PCDHGA1: variants seen among roughly 807,000 people sequenced by gnomAD.
PCDHGA1 encodes protocadherin gamma subfamily A, 1.
In PCDHGA1, 32 loss-of-function variants were observed where a neutral mutation model predicts 58.0. That is an observed-to-expected ratio of 0.55 (90% CI 0.42 to 0.74). The LOEUF is 0.74. Ranked by LOEUF, PCDHGA1 falls within the 30% of genes least tolerant of loss-of-function variation. The pLI is 0.00. For missense variants in PCDHGA1, 1,205 were observed against 1,182.3 expected, an observed-to-expected ratio of 1.02 and a Z score of -0.28; for synonymous variants, 498 against 501.1, an observed-to-expected ratio of 0.99 and a Z score of 0.08.
intron 1 of PCDHGA1, among the ~76,000 whole-genome samples, chr5:141,457,459 CA>C (rs1402759850): frequency 6.6e-6 from 1 of 152,166 alleles, no homozygotes; most frequent in Non-Finnish European, 1.5e-5. Context: ...CCACTTGATT[CA>C]CAGGAATAAG....
At chr5:141,471,495 T>A (rs539663010) in intron 1 of PCDHGA1, 1 of 152,318 alleles carries the variant, frequency 6.6e-6, no homozygotes, top group East Asian at 1.9e-4. Flanking sequence ...ATTTAGGGAA[T>A]GCAAGAGAGG....
At chr5:141,342,360 A>G (rs1035676543) in intron 1 of PCDHGA1, 1 of 152,076 alleles carries the variant, frequency 6.6e-6, no homozygotes, top group Non-Finnish European at 1.5e-5. Flanking sequence ...TCCTCTTCCT[A>G]TATTGGCTTT....
chr5:141,347,691 G>A (rs1191715718), intron 1 of PCDHGA1, among the ~76,000 whole-genome samples: 2 of 151,800 alleles, frequency 1.3e-5, no homozygotes, highest in African/African-American at 4.8e-5. Context: ...GGAAGCTGAG[G>A]CAGAAGAATT....
chr5:141,449,876 C>G (rs924666805), intron 1 of PCDHGA1, among the ~76,000 whole-genome samples: 2 of 151,724 alleles, frequency 1.3e-5, no homozygotes, highest in Non-Finnish European at 2.9e-5. Flanking sequence ...AATTTAACAT[C>G]AATGCAATAT....
chr5:141,389,157 C>T lies in PCDHGA1; in HGVS notation c.2421+56052C>T, dbSNP rs192156139. The T allele has an allele frequency of 2.5e-6, 4 of 1,613,976 alleles. No homozygotes were observed. The East Asian group carries it at 6.7e-5, about 27-fold the overall frequency. ...CAATATAACCGTTACGGCAACAGAT[C>T]GGGGCAAGCCTCCCCTCTCCTCCAG... is the stretch of plus-strand genomic sequence containing the variant. On this transcript the variant is annotated intron_variant, in intron 1 of 3. Coordinates refer to ENST00000517417, the MANE Select transcript of PCDHGA1 (RefSeq NM_018912.3).
intron 1 of PCDHGA1, chr5:141,409,350 G>T: frequency 6.2e-7 from 1 of 1,613,922 alleles, no homozygotes; most frequent in Non-Finnish European, 8.5e-7. Context: ...GGAGAAGTCA[G>T]GTGTAATATA....
chr5:141,487,442 G>A lies in PCDHGA1; in HGVS notation c.2422-7365G>A, dbSNP rs749842864. 1 of 1,613,918 alleles carries A rather than the reference G, an allele frequency of 6.2e-7. No homozygotes were observed. Among genetic ancestry groups the A allele is most frequent in the Non-Finnish European group, 8.5e-7 (1 of 1,179,798 alleles). On this transcript the variant is annotated intron_variant, in intron 1 of 3. Coordinates refer to ENST00000517417, the MANE Select transcript of PCDHGA1 (RefSeq NM_018912.3). The surrounding 1 kb of genome is among the most constrained non-coding windows in gnomAD (Gnocchi z 5.0). ...GATCCTCCGAATCCAGCTAGGGTCA[G>A]ATGACCCTATCAAGTTTGTTGATGT...
intron 1 of PCDHGA1, chr5:141,389,614 C>T: frequency 1.2e-6 from 2 of 1,613,064 alleles, no homozygotes; most frequent in Non-Finnish European, 1.7e-6. Context: ...GATATGGTGC[C>T]GCACGCTGCA....
At chr5:141,413,993 G>A (rs756042576) in intron 1 of PCDHGA1, 2 of 1,613,486 alleles carry the variant, frequency 1.2e-6, no homozygotes, top group Non-Finnish European at 1.7e-6. Context: ...GCCACCGACA[G>A]GGACGAAGGT....
intron 1 of PCDHGA1, chr5:141,340,357 C>A (rs765686553): frequency 6.2e-7 from 1 of 1,614,182 alleles, no homozygotes; most frequent in East Asian, 2.2e-5. Context: ...CCTACATTCC[C>A]GAAAACAACC....
intron 1 of PCDHGA1, among the ~76,000 whole-genome samples, chr5:141,450,685 C>T (rs542985781): frequency 6.6e-6 from 1 of 152,020 alleles, no homozygotes; most frequent in South Asian, 2.1e-4. Context: ...CGGGGTTTTG[C>T]CATGTTGCCC....
At chr5:141,403,075 G>A (rs1188549930) in intron 1 of PCDHGA1, 5 of 1,613,968 alleles carry the variant, frequency 3.1e-6, no homozygotes, top group Non-Finnish European at 4.2e-6. Flanking sequence ...AGACAGAAAA[G>A]GGCTATATTG....
chr5:141,432,031 C>T lies in PCDHGA1; in HGVS notation c.2422-62776C>T. The T allele has an allele frequency of 6.2e-7, 1 of 1,614,220 alleles. No individual in the cohort carries two copies. Among genetic ancestry groups the T allele is most frequent in the Non-Finnish European group, 8.5e-7 (1 of 1,180,048 alleles). ...CTAGCTACAACATCACAGTGACCGC[C>T]ACTGACCGGGGAACCCCGCCCCTAT... On this transcript the variant is annotated intron_variant, in intron 1 of 3. Coordinates refer to ENST00000517417, the MANE Select transcript of PCDHGA1 (RefSeq NM_018912.3). This position sits in a 1 kb window ranked among gnomAD's most constrained non-coding sequence, Gnocchi z 6.0.
chr5:141,384,864 A>G (rs202180798), intron 1 of PCDHGA1: 3 of 1,613,702 alleles, frequency 1.9e-6, no homozygotes, highest in Non-Finnish European at 2.5e-6. Flanking sequence ...CTCCTCTGTC[A>G]GCCACCGTCA....
intron 1 of PCDHGA1, chr5:141,415,542 T>C (rs770960227): frequency 1.2e-5 from 19 of 1,614,056 alleles, no homozygotes; most frequent in Non-Finnish European, 9.3e-6. Context: ...AGGAGAGCTG[T>C]GAGAAAAACG....
chr5:141,491,118 T>C lies in PCDHGA1; in HGVS notation c.2422-3689T>C, dbSNP rs1421005816. Reference sequence around the variant, plus strand: ...TGTTCCTCGTGTCTACACACACTGGTGAGGTGCGCACAGCCCGGGCCTTAC... The same window carrying C: ...TGTTCCTCGTGTCTACACACACTGGCGAGGTGCGCACAGCCCGGGCCTTAC... On this transcript the variant is annotated intron_variant, in intron 1 of 3. Coordinates refer to ENST00000517417, the MANE Select transcript of PCDHGA1 (RefSeq NM_018912.3). This position sits in a 1 kb window ranked among gnomAD's most constrained non-coding sequence, Gnocchi z 6.9. The C allele has an allele frequency of 1.2e-6, 2 of 1,613,926 alleles. No homozygotes were observed. Among genetic ancestry groups the C allele is most frequent in the African/African-American group, 2.7e-5 (2 of 74,890 alleles).
Position 141,432,804 on chromosome 5 carries a change from C to T in PCDHGA1, c.2422-62003C>T, listed in dbSNP as rs1482036720. The T allele has an allele frequency of 1.2e-6, 2 of 1,614,182 alleles. No individual in the cohort carries two copies. Among genetic ancestry groups the T allele is most frequent in the Non-Finnish European group, 1.7e-6 (2 of 1,180,008 alleles). ...GACCTCGGCAGCCTCGAGTCTCCAG[C>T]TAACTCTGAAACCTCAGACCTCACT... is the stretch of plus-strand genomic sequence containing the variant. On this transcript the variant is annotated intron_variant, in intron 1 of 3. Transcript: ENST00000517417. This position sits in a 1 kb window ranked among gnomAD's most constrained non-coding sequence, Gnocchi z 6.0.
At chr5:141,377,431 A>T (rs1773974129) in intron 1 of PCDHGA1, 1 of 152,002 alleles carries the variant, frequency 6.6e-6, no homozygotes, top group East Asian at 1.9e-4. Context: ...CTCTGTCTCT[A>T]CCAAAAAGAA....
chr5:141,395,025 T>C, intron 1 of PCDHGA1: 1 of 1,614,116 alleles, frequency 6.2e-7, no homozygotes, highest in Non-Finnish European at 8.5e-7. Flanking sequence ...CGTGCCTGCC[T>C]CACATTTTGT....
Sources: allele counts gnomAD v4.1 joint callset (sites outside exome capture counted in the v4.1 genomes callset), GRCh38; gene constraint gnomAD v4.1.1; non-coding constraint Gnocchi (gnomAD v3.1); transcripts MANE v1.5; gene names NCBI Gene and HGNC (gene_info 2026-07-23, HGNC 2026-07-21).